PDE4D: variants seen among roughly 807,000 people sequenced by gnomAD.
The protein encoded by PDE4D is phosphodiesterase 4D, also known as 3',5'-cyclic-AMP phosphodiesterase 4D.
A neutral mutation model predicts 87.4 loss-of-function variants in PDE4D; 24 were observed. The ratio of observed to expected loss-of-function variants is 0.27; its 90% CI spans 0.20 to 0.39. The LOEUF is 0.39. PDE4D is among the 10% of genes least tolerant of loss of function. PDE4D has a pLI of 1.00. For synonymous variants in PDE4D, 384 were observed against 383.2 expected (o/e 1.00, Z -0.02); for missense variants, 714 against 1,041.0 (o/e 0.69, Z 4.32).
At chr5:59,649,165 G>C (rs1261027234) in intron 1 of PDE4D, among the ~76,000 whole-genome samples, 1 of 152,214 alleles carries the variant, frequency 6.6e-6, no homozygotes, top group Non-Finnish European at 1.5e-5. Flanking sequence ...CCAATGTGAG[G>C]TGAAGAAAGG....
chr5:60,239,546 T>A (rs993321265), intron 1 of PDE4D, among the ~76,000 whole-genome samples: 2 of 152,190 alleles, frequency 1.3e-5, no homozygotes, highest in African/African-American at 4.8e-5. Context: ...ATCTTTCTGA[T>A]ACTGAGTCAT....
intron 1 of PDE4D, among the ~76,000 whole-genome samples, chr5:59,866,765 T>C (rs892438073): frequency 5.3e-5 from 8 of 152,222 alleles, no homozygotes; most frequent in Middle Eastern, 3.2e-3. Flanking sequence ...TGTCTTGAGT[T>C]TGAGGAGTCT....
At chr5:59,499,745 G>C (rs1562291185) in intron 1 of PDE4D, among the ~76,000 whole-genome samples, 1 of 152,016 alleles carries the variant, frequency 6.6e-6, no homozygotes, top group Non-Finnish European at 1.5e-5. Context: ...ATCCTGAACA[G>C]ACCAATAACA....
At chr5:59,734,780 A>T (rs1272569210) in intron 1 of PDE4D, among the ~76,000 whole-genome samples, 1 of 152,166 alleles carries the variant, frequency 6.6e-6, no homozygotes, top group Non-Finnish European at 1.5e-5. Context: ...TGAGGGAGAG[A>T]TGAAAAAAGC....
rs56100725 is a variant in PDE4D at position 59,502,663 on chromosome 5, A to AGTGTGT, written c.456-286701_456-286696dup. On this transcript the variant is annotated intron_variant, in intron 1 of 14. Transcript: ENST00000340635. Reference sequence around the variant, plus strand: ...AGATAATTTCTTTATTCCTTAAGGTAGTGTGTGTGTGTGTGTGTGTGTGTG... The same window carrying AGTGTGT: ...AGATAATTTCTTTATTCCTTAAGGTAGTGTGTGTGTGTGTGTGTGTGTGTGTGTGTG... Among the ~76,000 whole-genome samples the AGTGTGT allele has an allele frequency of 6.5e-3, 879 of 135,226 alleles. 9 individuals are homozygous for AGTGTGT. Among genetic ancestry groups the AGTGTGT allele is most frequent in the East Asian group, 0.027 (124 of 4,630 alleles). 88.7% of individuals were successfully genotyped at this position (135,226 alleles called of 152,430 possible). A position where few individuals can be genotyped will look rare whatever the true frequency, so the allele number is the denominator to read the frequency against.
intron 2 of PDE4D, among the ~76,000 whole-genome samples, chr5:60,046,094 T>C (rs1199784494): frequency 6.6e-6 from 1 of 152,204 alleles, no homozygotes; most frequent in East Asian, 1.9e-4. Flanking sequence ...CCTTGTTAAG[T>C]TGGATTCCTA....
intron 2 of PDE4D, among the ~76,000 whole-genome samples, chr5:60,134,585 C>A (rs980410744): frequency 6.6e-6 from 1 of 152,174 alleles, no homozygotes; most frequent in African/African-American, 2.4e-5. Flanking sequence ...GGACCTCTGG[C>A]AGACGCCAAA....
intron 6 of PDE4D, among the ~76,000 whole-genome samples, chr5:59,013,492 A>G (rs111791872): frequency 0.074 from 10,910 of 148,294 alleles, 451 homozygotes; most frequent in South Asian, 0.097. Flanking sequence ...CCCCAGAGAT[A>G]CAAACTACCA....
chr5:59,842,314 C>T (rs1743138236), intron 1 of PDE4D, among the ~76,000 whole-genome samples: 1 of 152,006 alleles, frequency 6.6e-6, no homozygotes, highest in African/African-American at 2.4e-5. Flanking sequence ...ATGATACCAC[C>T]TATCCAAACT....
At chr5:60,455,019 AAG>A (rs1746365048) in intron 1 of PDE4D, among the ~76,000 whole-genome samples, 1 of 152,016 alleles carries the variant, frequency 6.6e-6, no homozygotes, top group African/African-American at 2.4e-5. Flanking sequence ...AATTTAGAGA[AAG>A]AGGAGAGAAT....
chr5:60,455,333 G>A (rs1746389118), intron 1 of PDE4D, among the ~76,000 whole-genome samples: 1 of 152,102 alleles, frequency 6.6e-6, no homozygotes, highest in Non-Finnish European at 1.5e-5. Flanking sequence ...ATTAGCACAA[G>A]AGAAATTCCA....
chr5:60,170,176 T>C (rs1398737079), intron 2 of PDE4D, among the ~76,000 whole-genome samples: 2 of 152,014 alleles, frequency 1.3e-5, no homozygotes, highest in Non-Finnish European at 2.9e-5. Flanking sequence ...CCATATGGCA[T>C]ATGGATGGAT....
chr5:59,811,312 C>T (rs1227745667), intron 1 of PDE4D, among the ~76,000 whole-genome samples: 1 of 152,214 alleles, frequency 6.6e-6, no homozygotes, highest in Non-Finnish European at 1.5e-5. Flanking sequence ...ACCTCATTAT[C>T]CACCAAGCTA....
intron 1 of PDE4D, among the ~76,000 whole-genome samples, chr5:60,338,511 A>G (rs1758016371): frequency 6.6e-6 from 1 of 152,112 alleles, no homozygotes; most frequent in Non-Finnish European, 1.5e-5. Context: ...TCACATGGCT[A>G]TCTATGAGCA....
At chr5:59,415,377 T>A (rs1218764262) in intron 1 of PDE4D, among the ~76,000 whole-genome samples, 2 of 152,176 alleles carry the variant, frequency 1.3e-5, no homozygotes, top group East Asian at 3.8e-4. Flanking sequence ...AACTTGCCAA[T>A]ACAGTCAGTG....
intron 2 of PDE4D, among the ~76,000 whole-genome samples, chr5:60,149,424 T>G (rs2149437973): frequency 6.6e-6 from 1 of 152,308 alleles, no homozygotes; most frequent in South Asian, 2.1e-4. Context: ...AGAACTCTTA[T>G]GACCTAATTA....
chr5:59,962,241 A>C (rs760581155), intron 3 of PDE4D, among the ~76,000 whole-genome samples: 1 of 152,182 alleles, frequency 6.6e-6, no homozygotes, highest in South Asian at 2.1e-4. Flanking sequence ...GAAAGAGATA[A>C]ATTTCAAATA....
intron 1 of PDE4D, among the ~76,000 whole-genome samples, chr5:59,309,119 G>T (rs1016722666): frequency 6.6e-6 from 1 of 152,084 alleles, no homozygotes; most frequent in Non-Finnish European, 1.5e-5. Context: ...CCCTCTAACA[G>T]CCTGAGTCCA....
intron 1 of PDE4D, among the ~76,000 whole-genome samples, chr5:59,890,695 A>C (rs1750831359): frequency 6.6e-6 from 1 of 152,160 alleles, no homozygotes; most frequent in Non-Finnish European, 1.5e-5. Context: ...GAGGCAGGAG[A>C]CTTGGGTTTC....
Sources: allele counts gnomAD v4.1 joint callset (sites outside exome capture counted in the v4.1 genomes callset), GRCh38; gene constraint gnomAD v4.1.1; transcripts MANE v1.5; gene names NCBI Gene and HGNC (gene_info 2026-07-23, HGNC 2026-07-21).